The following TMPRSS11F variants were observed in gnomAD, a reference collection of about 807,000 sequenced individuals.
TMPRSS11F encodes transmembrane serine protease 11F, also known as transmembrane protease serine 11F.
Under a neutral mutation model 60.2 loss-of-function variants are expected in TMPRSS11F, and 47 were observed. The ratio of observed to expected loss-of-function variants is 0.78; its 90% CI spans 0.62 to 1.00. The LOEUF (loss-of-function observed/expected upper bound fraction) is 1.00. Ranked by LOEUF, TMPRSS11F falls within the 50% of genes least tolerant of loss-of-function variation. The pLI is 0.00. For synonymous variants in TMPRSS11F, 166 were observed against 167.3 expected, an observed-to-expected ratio of 0.99 and a Z score of 0.06; for missense variants, 519 against 522.9, an observed-to-expected ratio of 0.99 and a Z score of 0.07.
At chr4:68,094,571 A>AAAATAAATAAAT (rs34202443) in intron 2 of TMPRSS11F, among the ~76,000 whole-genome samples, 80 of 147,764 alleles carry the variant, frequency 5.4e-4, no homozygotes, top group African/African-American at 1.8e-3. Flanking sequence ...AATAAATTTA[A>AAAATAAATAAAT]AAATAAATAA....
intron 4 of TMPRSS11F, among the ~76,000 whole-genome samples, chr4:68,073,434 GGAGA>G (rs1432080894): frequency 6.6e-6 from 1 of 151,902 alleles, no homozygotes; most frequent in Non-Finnish European, 1.5e-5. Flanking sequence ...AGGGAAAGAA[GGAGA>G]GAGGGAGGAG....
chr4:68,090,473 G>A, intron 3 of TMPRSS11F, 50 bp downstream of exon 3: 1 of 1,527,846 alleles, frequency 6.5e-7, no homozygotes, highest in Non-Finnish European at 8.8e-7. Flanking sequence ...CACATTCAAA[G>A]TGATGCAAAA....
At chr4:68,102,293 A>T (rs555166027) in intron 1 of TMPRSS11F, among the ~76,000 whole-genome samples, 1 of 152,168 alleles carries the variant, frequency 6.6e-6, no homozygotes, top group Non-Finnish European at 1.5e-5. Flanking sequence ...GAGTGCAGAT[A>T]TCTTTACCAG....
chr4:68,098,463 T>G lies in TMPRSS11F; in HGVS notation c.163+424A>C, dbSNP rs563463837. On this transcript the variant is annotated intron_variant, in intron 2 of 9. Coordinates refer to ENST00000356291, the MANE Select transcript of TMPRSS11F (RefSeq NM_207407.2). ...CTTCCCACAGTCATAAAAAAATCTG[T>G]TTTTTTCTTCAAAAATAATGCTTGA... Among the ~76,000 whole-genome samples, 125 of 152,272 alleles carry G rather than the reference T, an allele frequency of 8.2e-4. 1 individual carries two copies. Among genetic ancestry groups the G allele is most frequent in the African/African-American group, 2.9e-3 (121 of 41,550 alleles).
At chr4:68,064,121 CT>C (rs768474326) in intron 8 of TMPRSS11F, among the ~76,000 whole-genome samples, 6,611 of 137,940 alleles carry the variant, frequency 0.048, 390 homozygotes, top group African/African-American at 0.14. Context: ...CTCTCCCTGA[CT>C]TTTTTTTTTT....
At chr4:68,084,239 CAT>C (rs1014748800) in intron 3 of TMPRSS11F, among the ~76,000 whole-genome samples, 4 of 152,136 alleles carry the variant, frequency 2.6e-5, no homozygotes, top group African/African-American at 9.7e-5. Flanking sequence ...ACTTGCAAAA[CAT>C]ATTTAAGCAT....
At chr4:68,090,049 A>G (rs1157964428) in intron 3 of TMPRSS11F, among the ~76,000 whole-genome samples, 1 of 152,128 alleles carries the variant, frequency 6.6e-6, no homozygotes, top group East Asian at 1.9e-4. Context: ...AACTTGATAA[A>G]TACATAAGCT....
At position 68,064,681 on chromosome 4, in the gene TMPRSS11F, T is replaced by G. The variant is rs1375671585; in HGVS notation, c.1015+4A>C. 2 of 1,612,326 alleles carry G rather than the reference T, an allele frequency of 1.2e-6. No individual in the cohort carries two copies. Among genetic ancestry groups the G allele is most frequent in the Admixed American group, 1.7e-5 (1 of 59,860 alleles). ...GCTAAGAAAATTAGGTTGAAACTGC[T>G]CACCATCATCTACAATGGATCCAAA... On this transcript the variant is annotated splice_donor_region_variant and intron_variant, in intron 8 of 9. Transcript: ENST00000356291.
At chr4:68,104,040 A>T (rs1724249676) in intron 1 of TMPRSS11F, among the ~76,000 whole-genome samples, 1 of 152,196 alleles carries the variant, frequency 6.6e-6, no homozygotes, top group Non-Finnish European at 1.5e-5. Context: ...TATTAGTTCT[A>T]ATAGTGTTTT....
In TMPRSS11F at chr4:68,071,552, T is replaced by C. The variant is rs1433109523; in HGVS notation, c.514+771A>G. Among the ~76,000 whole-genome samples the C allele has an allele frequency of 2.0e-5, 3 of 152,138 alleles. No homozygotes were observed. In the East Asian group the frequency reaches 5.8e-4, roughly 29 times the overall value. On this transcript the variant is annotated intron_variant, in intron 5 of 9. Coordinates refer to ENST00000356291, the MANE Select transcript of TMPRSS11F (RefSeq NM_207407.2). ...AGTGTTTGAGGGAGGAGAAAGAAAA[T>C]AAAAAGACACAGGTCCTGCCCTTGA... is the stretch of plus-strand genomic sequence containing the variant.
At position 68,053,702 on chromosome 4, in the gene TMPRSS11F, C is replaced by T; in HGVS notation, c.*207G>A. 1 of 445,170 alleles carries T rather than the reference C, an allele frequency of 2.2e-6. No individual in the cohort carries two copies. Among genetic ancestry groups the T allele is most frequent in the Non-Finnish European group, 4.0e-6 (1 of 252,414 alleles). The allele number at this position is 445,170 out of a possible 1,614,324, so 27.6% of individuals were successfully genotyped here. ...TGAGTAAGGAATAGGTGCTGTCTGT[C>T]ATTTGCTGTGTCTTCTTCCCTCATG... On this transcript the variant is annotated 3_prime_UTR_variant, in exon 10 of 10. Coordinates refer to ENST00000356291, the MANE Select transcript of TMPRSS11F (RefSeq NM_207407.2).
At chr4:68,098,835 G>C (rs1393921971) in intron 2 of TMPRSS11F, 52 bp downstream of exon 2, 1 of 1,499,374 alleles carries the variant, frequency 6.7e-7, no homozygotes. Flanking sequence ...AAAATTTCAA[G>C]ATACGAAGTC....
intron 1 of TMPRSS11F, among the ~76,000 whole-genome samples, chr4:68,118,415 T>C (rs555652255): frequency 3.9e-4 from 60 of 152,312 alleles, no homozygotes; most frequent in Non-Finnish European, 7.1e-4. Context: ...CAAGGACTTT[T>C]GTATTACACG....
chr4:68,061,080 T>C (rs1282697827), intron 8 of TMPRSS11F, among the ~76,000 whole-genome samples: 3 of 152,006 alleles, frequency 2.0e-5, no homozygotes, highest in African/African-American at 7.2e-5. Context: ...ATAAAGTATA[T>C]GCATAAAATG....
chr4:68,072,265 A>C, intron 5 of TMPRSS11F, 58 bp downstream of exon 5: 1 of 692,976 alleles, frequency 1.4e-6, no homozygotes, highest in Non-Finnish European at 2.0e-6. Context: ...TACAAAAATT[A>C]AAGAGGGTTG....
chr4:68,061,148 T>A (rs763007717), intron 8 of TMPRSS11F, among the ~76,000 whole-genome samples: 13 of 152,176 alleles, frequency 8.5e-5, no homozygotes, highest in Admixed American at 5.2e-4. Context: ...TCCTGATTAA[T>A]TAGAGTTTCT....
chr4:68,085,234 A>T (rs1430023981), intron 3 of TMPRSS11F, among the ~76,000 whole-genome samples: 1 of 150,442 alleles, frequency 6.6e-6, no homozygotes, highest in Non-Finnish European at 1.5e-5. Flanking sequence ...ATTTATAGTC[A>T]TTTGGGTATA....
At chr4:68,072,223 A>AT (rs61652810) in intron 5 of TMPRSS11F, 100 bp downstream of exon 5, 50 of 62,084 alleles carry the variant, frequency 8.1e-4, no homozygotes, top group East Asian at 4.1e-3. Context: ...ATATCTTCCA[A>AT]AAAAAAAATA....
chr4:68,112,571 C>T (rs1007702481), intron 1 of TMPRSS11F, among the ~76,000 whole-genome samples: 9 of 152,020 alleles, frequency 5.9e-5, no homozygotes, highest in Non-Finnish European at 1.2e-4. Context: ...TAGTGAGACT[C>T]CTGCCTCTAA....
Sources: gnomAD v4.1 joint callset for allele counts (sites outside exome capture counted in the v4.1 genomes callset) on GRCh38, gnomAD v4.1.1 for gene constraint, MANE v1.5 for transcripts, NCBI Gene and HGNC (gene_info 2026-07-23, HGNC 2026-07-21) for gene names.